The following TTC6 variants were observed in gnomAD, a reference collection of about 807,000 sequenced individuals.
TTC6 encodes tetratricopeptide repeat protein 6.
Under a neutral mutation model 210.4 loss-of-function variants are expected in TTC6, and 172 were observed. The observed-to-expected ratio is 0.82, with a 90% CI of 0.72 to 0.93. The LOEUF (loss-of-function observed/expected upper bound fraction) is 0.93, where lower values mean the gene tolerates loss of function less well. TTC6 is among the 40% of genes least tolerant of loss of function. TTC6 has a pLI of 0.00. For synonymous variants in TTC6, 804 were observed against 819.6 expected (o/e 0.98, Z 0.32); for missense variants, 2,414 against 2,318.1 (o/e 1.04, Z -0.85).
chr14:37,800,036 A>G (rs146422913), intron 20 of TTC6, among the ~76,000 whole-genome samples: 1,779 of 152,260 alleles, frequency 0.012, 27 homozygotes, highest in African/African-American at 0.04. Context: ...CAAGAAAATA[A>G]TACAGATGCA....
At chr14:37,617,358 G>T (rs930283117), upstream of TTC6, among the ~76,000 whole-genome samples, 2 of 152,146 alleles carry the variant, frequency 1.3e-5, no homozygotes, top group South Asian at 4.1e-4. Context: ...TATTCTAAGT[G>T]ACTGTTATAA....
At chr14:37,609,594 G>A (rs1273960095) in intron 2 of TTC6, among the ~76,000 whole-genome samples, 1 of 152,110 alleles carries the variant, frequency 6.6e-6, no homozygotes, top group East Asian at 1.9e-4. Flanking sequence ...ATGGATACCT[G>A]AGTCCTTAGT....
chr14:37,708,235 A>G (rs1310594136), intron 5 of TTC6, among the ~76,000 whole-genome samples: 7 of 151,994 alleles, frequency 4.6e-5, no homozygotes, highest in Non-Finnish European at 7.4e-5. Flanking sequence ...TACTGTCTCT[A>G]CTAATGATAG....
chr14:37,784,132 A>G (rs2096062037), intron 14 of TTC6, among the ~76,000 whole-genome samples: 1 of 152,202 alleles, frequency 6.6e-6, no homozygotes, highest in Admixed American at 6.5e-5. Context: ...AGAGTTCTGT[A>G]GATGTCTATT....
chr14:37,647,484 G>C (rs560832338), intron 1 of TTC6, among the ~76,000 whole-genome samples: 1 of 152,286 alleles, frequency 6.6e-6, no homozygotes, highest in Non-Finnish European at 1.5e-5. Context: ...GAGAAGAAAA[G>C]TCAAGGATGA....
Position 37,806,478 on chromosome 14 carries a change from C to T in TTC6, c.4282C>T (p.Arg1428Cys), listed in dbSNP as rs1206291760. The change falls in exon 22 of 31, where the codon CGT (arginine) becomes TGT (cysteine). Residue 1428 changes from arginine to cysteine, a missense_variant. Arg to Cys is a radical substitution (Grantham distance 180, BLOSUM62 -3). Transcript: ENST00000553443. ...GGATAGCTCGATTCTGGATTTTAAT[C>T]GTGCAATTACCCTCAATCCAAAACA... The T allele has an allele frequency of 4.6e-6, 7 of 1,534,198 alleles. 1 individual carries two copies. The Admixed American group carries it at 5.9e-5, about 13-fold the overall frequency.
chr14:37,732,652 TC>T (rs2095890353), intron 7 of TTC6, among the ~76,000 whole-genome samples: 2 of 151,888 alleles, frequency 1.3e-5, no homozygotes, highest in Non-Finnish European at 2.9e-5. Context: ...GGAGTCTTGC[TC>T]TGTCGCCCAG....
At chr14:37,644,695 G>A (rs1185580116) in intron 1 of TTC6, among the ~76,000 whole-genome samples, 1 of 152,168 alleles carries the variant, frequency 6.6e-6, no homozygotes, top group African/African-American at 2.4e-5. Context: ...TTCCAGCAAA[G>A]TTTTTTGAGC....
chr14:37,814,040 G>A (rs2096135830), intron 25 of TTC6, among the ~76,000 whole-genome samples: 1 of 152,132 alleles, frequency 6.6e-6, no homozygotes, highest in Admixed American at 6.6e-5. Flanking sequence ...CTAAACAGAT[G>A]CTAGAGAAAT....
At chr14:37,753,108 T>C (rs2139047371) in exon 14 of TTC6, 1 of 1,534,046 alleles carries the variant, frequency 6.5e-7, no homozygotes, top group East Asian at 2.5e-5. Context: ...GTGTATTTTT[T>C]ATGATCCCAA....
chr14:37,808,701 C>A, intron 23 of TTC6, 32 bp from the exon 26 acceptor site: 1 of 1,101,312 alleles, frequency 9.1e-7, no homozygotes, highest in South Asian at 1.6e-5. Context: ...TTATGATTTT[C>A]CTTTCTCACA....
chr14:37,636,001 GAAAAA>G (rs950634838), intron 1 of TTC6, among the ~76,000 whole-genome samples: 3 of 101,802 alleles, frequency 2.9e-5, no homozygotes, highest in African/African-American at 1.1e-4. Context: ...AAAAAAAAAA[GAAAAA>G]AAAAAGAAAA....
exon 25 of TTC6, chr14:37,812,402 T>G: frequency 1.9e-6 from 3 of 1,612,674 alleles, no homozygotes; most frequent in Non-Finnish European, 2.5e-6. Context: ...CTCATCTACG[T>G]AGAACTAGGC....
chr14:37,622,486 C>T (rs1042561547), exon 1 of TTC6: 9 of 1,535,160 alleles, frequency 5.9e-6, no homozygotes, highest in Middle Eastern at 1.7e-4. Flanking sequence ...GTCATCGCCT[C>T]GGGGTTCGGC....
chr14:37,736,150 C>A, intron 8 of TTC6, 140 bp downstream of exon 10: 1 of 560,610 alleles, frequency 1.8e-6, no homozygotes, highest in Non-Finnish European at 3.1e-6. Context: ...TTTTGGGAGT[C>A]TGAGGTGGGC....
intron 29 of TTC6, among the ~76,000 whole-genome samples, chr14:37,833,807 T>C (rs375196736): frequency 4.6e-5 from 7 of 152,334 alleles, no homozygotes; most frequent in African/African-American, 1.2e-4. Flanking sequence ...GTATTTTTTA[T>C]GATGGTGGAT....
At chr14:37,625,539 ACT>A (rs1168519656) in intron 1 of TTC6, among the ~76,000 whole-genome samples, 1 of 140,332 alleles carries the variant, frequency 7.1e-6, no homozygotes, top group Non-Finnish European at 1.6e-5. Flanking sequence ...CAAGAGCGAG[ACT>A]TCGTCTAAAA....
chr14:37,696,597 G>A (rs1408659645), intron 3 of TTC6, 120 bp from the exon 6 acceptor site: 1 of 433,406 alleles, frequency 2.3e-6, no homozygotes, highest in African/African-American at 2.0e-5. Flanking sequence ...TTAGCATTCT[G>A]TTATAACATA....
intron 2 of TTC6, among the ~76,000 whole-genome samples, chr14:37,608,618 C>A (rs1332096251): frequency 6.6e-6 from 1 of 152,146 alleles, no homozygotes; most frequent in African/African-American, 2.4e-5. Flanking sequence ...GCCTTATCTA[C>A]ACAAAATCAA....
Sources: allele counts gnomAD v4.1 joint callset (sites outside exome capture counted in the v4.1 genomes callset), GRCh38; gene constraint gnomAD v4.1.1; transcripts MANE v1.5; gene names NCBI Gene and HGNC (gene_info 2026-07-23, HGNC 2026-07-21).